The following TSPAN1 variants were observed in gnomAD, a reference collection of about 807,000 sequenced individuals.
TSPAN1 encodes tetraspanin 1, also known as tetraspanin-1.
TSPAN1 carries 23 observed loss-of-function variants against 26.9 expected under a neutral mutation model. The observed-to-expected ratio is 0.85, with a 90% confidence interval of 0.62 to 1.21. TSPAN1 has a LOEUF of 1.21. TSPAN1 is among the 50% of genes most tolerant of loss of function. The pLI, the probability that TSPAN1 is intolerant of heterozygous loss-of-function variation, is 0.00. For missense variants in TSPAN1, 283 were observed against 298.4 expected (o/e 0.95, Z 0.38); for synonymous variants, 115 against 114.8 (o/e 1.00, Z -0.01).
the TSPAN1 span, chr1:46,192,435 C>T: frequency 1.4e-5 from 22 of 1,613,996 alleles, no homozygotes; most frequent in Non-Finnish European, 1.6e-5. Context: ...GTGTTCATAC[C>T]CCTGGGGACA....
chr1:46,185,634 T>A lies in TSPAN1; in HGVS notation c.*101T>A. 7.3e-7 allele frequency: 1 copy of A among 1,378,252 alleles called. No individual in the cohort carries two copies. The highest frequency in any genetic ancestry group is 1.0e-6 in the Non-Finnish European group (1 of 981,158). The allele number at this position is 1,378,252 out of a possible 1,614,324, so 85.4% of individuals were successfully genotyped here. A position where few individuals can be genotyped will look rare whatever the true frequency, so the allele number is the denominator to read the frequency against. ...GGGGAGGGGACAGGATCTAACAATG[T>A]CACTTGGGCCAGAATGGACCTGCCC... On this transcript the variant is annotated 3_prime_UTR_variant, in exon 9 of 9. Coordinates refer to ENST00000372003, the MANE Select transcript of TSPAN1 (RefSeq NM_005727.4).
the TSPAN1 span, chr1:46,194,611 G>A: frequency 1.9e-6 from 3 of 1,614,212 alleles, no homozygotes; most frequent in Non-Finnish European, 8.5e-7. Flanking sequence ...CCCAGGAAGA[G>A]AGGGCAGGTG....
At chr1:46,195,208 G>A in the TSPAN1 span, among the ~76,000 whole-genome samples, 1 of 152,092 alleles carries the variant, frequency 6.6e-6, no homozygotes, top group Non-Finnish European at 1.5e-5. Context: ...GCCACTCTCT[G>A]CCTTCTTTTC....
intron 1 of TSPAN1, chr1:46,176,111 G>A: frequency 8.9e-7 from 1 of 1,127,542 alleles, no homozygotes; most frequent in South Asian, 1.5e-5. Flanking sequence ...TCCTGACCTT[G>A]TGATCTGCCC....
the TSPAN1 span, chr1:46,192,303 G>A: frequency 6.2e-7 from 1 of 1,614,170 alleles, no homozygotes; most frequent in Non-Finnish European, 8.5e-7. Context: ...TACCCTGACA[G>A]TTACCTTTTC....
intron 1 of TSPAN1, chr1:46,176,214 G>A (rs1441339086): frequency 3.3e-6 from 5 of 1,534,526 alleles, no homozygotes; most frequent in East Asian, 2.4e-5. Context: ...TGGCTCACAG[G>A]CCCCCTGGCT....
the TSPAN1 span, chr1:46,195,910 T>A: frequency 1.2e-6 from 2 of 1,614,126 alleles, no homozygotes; most frequent in South Asian, 1.1e-5. Context: ...ACACACGTTT[T>A]GCCATCACGT....
chr1:46,195,351 C>T, the TSPAN1 span: 7 of 376,418 alleles, frequency 1.9e-5, no homozygotes, highest in South Asian at 1.6e-4. Flanking sequence ...GAATGCTCTT[C>T]CTCCAGATAC....
chr1:46,177,525 A>C (rs571885732), intron 1 of TSPAN1, among the ~76,000 whole-genome samples: 1 of 152,170 alleles, frequency 6.6e-6, no homozygotes, highest in African/African-American at 2.4e-5. Context: ...ACTAGAGAGC[A>C]CTTCAGCACT....
At chr1:46,193,305 C>T in the TSPAN1 span, 2 of 1,613,832 alleles carry the variant, frequency 1.2e-6, no homozygotes, top group Non-Finnish European at 1.7e-6. Flanking sequence ...TATGCAGTAC[C>T]TGAGACACGC....
chr1:46,188,985 A>G (rs770665651), downstream of TSPAN1: 2 of 1,606,016 alleles, frequency 1.2e-6, no homozygotes, highest in Non-Finnish European at 1.7e-6. Flanking sequence ...CCAGGCCTGG[A>G]AAGTGAGGGT....
At chr1:46,192,344 C>G in the TSPAN1 span, 4 of 1,614,190 alleles carry the variant, frequency 2.5e-6, no homozygotes, top group Non-Finnish European at 3.4e-6. Flanking sequence ...CAAGCTCCTC[C>G]TTGTACAAGG....
chr1:46,192,494 T>C, the TSPAN1 span: 2 of 1,614,176 alleles, frequency 1.2e-6, no homozygotes, highest in African/African-American at 2.7e-5. Flanking sequence ...ACTCGCCTGC[T>C]AAACCCTGGT....
chr1:46,182,725 G>A (rs116609619), intron 3 of TSPAN1, among the ~76,000 whole-genome samples: 131 of 152,268 alleles, frequency 8.6e-4, no homozygotes, highest in African/African-American at 3.1e-3. Flanking sequence ...GTTTAGAAGC[G>A]TGGGTAGACT....
the TSPAN1 span, chr1:46,192,638 T>G: frequency 1.9e-6 from 3 of 1,609,786 alleles, no homozygotes; most frequent in African/African-American, 4.0e-5. Flanking sequence ...AGGATAAATC[T>G]AGTCACACAG....
downstream of TSPAN1, chr1:46,190,362 A>T: frequency 7.2e-7 from 1 of 1,389,768 alleles, no homozygotes; most frequent in Non-Finnish European, 1.0e-6. Context: ...CTAATGTTTG[A>T]GATGAGGGCC....
Position 46,185,093 on chromosome 1 carries a change from A to G in TSPAN1, c.572A>G (p.Lys191Arg), listed in dbSNP as rs1657398772. 6.2e-7 allele frequency: 1 copy of G among 1,614,082 alleles called. No homozygotes were observed. Among genetic ancestry groups the G allele is most frequent in the African/African-American group, 1.3e-5 (1 of 74,916 alleles). Residue 191 changes from lysine to arginine, a missense_variant, in exon 7 of 9, where the codon AAG becomes AGG. Physicochemically the swap from Lys to Arg is conservative, Grantham distance 26. Transcript: ENST00000372003. ...NTANETCTKQ[K>R]AHDQKVEGCF... Reference sequence around the variant, plus strand: ...GCCAATGAAACCTGCACCAAGCAAAAGGCTCACGACCAAAAAGTAGAGGTG... The same window carrying G: ...GCCAATGAAACCTGCACCAAGCAAAGGGCTCACGACCAAAAAGTAGAGGTG...
chr1:46,188,560 C>T (rs1571643449), downstream of TSPAN1: 2 of 1,316,364 alleles, frequency 1.5e-6, no homozygotes. Context: ...GGCCAAATGG[C>T]CCCAAATGGA....
the TSPAN1 span, chr1:46,190,978 C>G: frequency 3.3e-6 from 2 of 602,184 alleles, no homozygotes; most frequent in East Asian, 6.6e-5. Context: ...TTGGCCTCCA[C>G]CATTGCTGGA....
Sources: gnomAD v4.1 joint callset for allele counts (sites outside exome capture counted in the v4.1 genomes callset) on GRCh38, gnomAD v4.1.1 for gene constraint, MANE v1.5 for transcripts, NCBI Gene and HGNC (gene_info 2026-07-23, HGNC 2026-07-21) for gene names.